The following ZFPM2 variants were observed in gnomAD, a reference collection of about 807,000 sequenced individuals.
ZFPM2 encodes the protein zinc finger protein, FOG family member 2.
Under a neutral mutation model 98.6 loss-of-function variants are expected in ZFPM2, and 20 were observed. The observed-to-expected ratio is 0.20, with a 90% CI of 0.14 to 0.29. ZFPM2 has a LOEUF of 0.29. Ranked by LOEUF, ZFPM2 falls within the 10% of genes least tolerant of loss-of-function variation. The probability of loss-of-function intolerance (pLI) is 1.00; values close to 1 mark genes in which losing one functional copy is unlikely to be tolerated. For missense variants in ZFPM2, 1,310 were observed against 1,388.6 expected (o/e 0.94, Z 0.90); for synonymous variants, 518 against 502.7 (o/e 1.03, Z -0.41).
chr8:105,758,223 C>CA (rs893434016), intron 5 of ZFPM2, among the ~76,000 whole-genome samples: 48 of 152,204 alleles, frequency 3.2e-4, no homozygotes, highest in African/African-American at 1.2e-3. Context: ...TCACGACTAT[C>CA]ATTCACTGGC....
chr8:105,715,669 C>A (rs1375805934), intron 5 of ZFPM2, among the ~76,000 whole-genome samples: 1 of 151,924 alleles, frequency 6.6e-6, no homozygotes, highest in Non-Finnish European at 1.5e-5. Context: ...GATTAACTGG[C>A]TTTTTCACCA....
At chr8:105,424,726 T>C (rs1310613685) in intron 2 of ZFPM2, among the ~76,000 whole-genome samples, 1 of 152,224 alleles carries the variant, frequency 6.6e-6, no homozygotes, top group Non-Finnish European at 1.5e-5. Context: ...CTTTCACTCC[T>C]GTTCACTAGG....
chr8:105,458,695 TTTAG>T (rs1452245863), intron 3 of ZFPM2, among the ~76,000 whole-genome samples: 2 of 152,154 alleles, frequency 1.3e-5, no homozygotes, highest in Non-Finnish European at 2.9e-5. Flanking sequence ...TGACATTACT[TTTAG>T]TTATATTTTC....
intron 5 of ZFPM2, among the ~76,000 whole-genome samples, chr8:105,752,752 C>T (rs1250628877): frequency 6.6e-6 from 1 of 152,064 alleles, no homozygotes; most frequent in Non-Finnish European, 1.5e-5. Flanking sequence ...AGTCATAACC[C>T]TCTATATAAT....
At chr8:105,673,674 C>T (rs528155761) in intron 5 of ZFPM2, among the ~76,000 whole-genome samples, 8 of 152,130 alleles carry the variant, frequency 5.3e-5, no homozygotes, top group East Asian at 1.9e-4. Context: ...AAGAAAAATA[C>T]GCTCATTACT....
intron 1 of ZFPM2, among the ~76,000 whole-genome samples, chr8:105,411,002 A>T (rs966389748): frequency 1.3e-5 from 2 of 151,980 alleles, no homozygotes; most frequent in East Asian, 3.9e-4. Context: ...CCAGGAAAGG[A>T]CCATGGATTT....
At position 105,788,654 on chromosome 8, in the gene ZFPM2, C is replaced by G. The variant is rs958823350; in HGVS notation, c.533-64C>G. The G allele has an allele frequency of 6.7e-6, 10 of 1,488,082 alleles. No individual in the cohort carries two copies. The African/African-American group carries it at 1.1e-4, about 16-fold the overall frequency. The allele number at this position is 1,488,082 out of a possible 1,614,324, so 92.2% of individuals were successfully genotyped here. A position where few individuals can be genotyped will look rare whatever the true frequency, so the allele number is the denominator to read the frequency against. ...ATGAGAAGGTGCTATGGACATCAAT[C>G]TAGTTTACAACAGACTCAAGCATCC... is the stretch of plus-strand genomic sequence containing the variant. On this transcript the variant is annotated intron_variant, in intron 5 of 7. Coordinates refer to ENST00000407775, the MANE Select transcript of ZFPM2 (RefSeq NM_012082.4).
At chr8:105,728,408 T>C (rs1337771219) in intron 5 of ZFPM2, among the ~76,000 whole-genome samples, 3 of 151,794 alleles carry the variant, frequency 2.0e-5, no homozygotes, top group Admixed American at 1.3e-4. Flanking sequence ...ATGATTTCTT[T>C]ATTTCCCAAC....
chr8:105,373,158 C>A (rs770989644), intron 1 of ZFPM2, among the ~76,000 whole-genome samples: 2 of 152,146 alleles, frequency 1.3e-5, no homozygotes, highest in African/African-American at 4.8e-5. Context: ...ACTATTCCAT[C>A]GTGATTGGCG....
At chr8:105,360,364 T>C (rs561423642) in intron 1 of ZFPM2, among the ~76,000 whole-genome samples, 11 of 152,314 alleles carry the variant, frequency 7.2e-5, no homozygotes, top group Non-Finnish European at 1.3e-4. Context: ...AAAATTAAAA[T>C]AAATACATGA....
At chr8:105,701,515 A>T (rs1236339288) in intron 5 of ZFPM2, among the ~76,000 whole-genome samples, 1 of 152,194 alleles carries the variant, frequency 6.6e-6, no homozygotes, top group Non-Finnish European at 1.5e-5. Context: ...CAAAAATGAA[A>T]ATGTGTCTTT....
At chr8:105,473,512 A>G (rs1200162969) in intron 3 of ZFPM2, among the ~76,000 whole-genome samples, 1 of 152,186 alleles carries the variant, frequency 6.6e-6, no homozygotes, top group African/African-American at 2.4e-5. Flanking sequence ...CTCAGTAAAT[A>G]TTTAGTGATT....
At chr8:105,556,280 G>C (rs1255396378) in intron 3 of ZFPM2, among the ~76,000 whole-genome samples, 3 of 152,104 alleles carry the variant, frequency 2.0e-5, no homozygotes, top group African/African-American at 7.2e-5. Flanking sequence ...GAGTGATTTG[G>C]ATAAAGGTGA....
At chr8:105,712,138 A>G (rs1811415869) in intron 5 of ZFPM2, among the ~76,000 whole-genome samples, 1 of 151,936 alleles carries the variant, frequency 6.6e-6, no homozygotes, top group Non-Finnish European at 1.5e-5. Flanking sequence ...ACCAGTGGAG[A>G]GTTATAAGAT....
At chr8:105,333,905 T>C (rs1812278393) in intron 1 of ZFPM2, among the ~76,000 whole-genome samples, 1 of 151,712 alleles carries the variant, frequency 6.6e-6, no homozygotes. Context: ...CAAGAAATTG[T>C]TGATGGTTTC....
At chr8:105,636,558 G>T (rs1207263917) in intron 5 of ZFPM2, among the ~76,000 whole-genome samples, 1 of 152,094 alleles carries the variant, frequency 6.6e-6, no homozygotes, top group East Asian at 1.9e-4. Context: ...AAAAAGTTTA[G>T]CTGTGATGGC....
At chr8:105,330,617 T>TATATATACATATATATATACAC (rs1563606955) in intron 1 of ZFPM2, among the ~76,000 whole-genome samples, 10 of 58,854 alleles carry the variant, frequency 1.7e-4, no homozygotes, top group African/African-American at 1.0e-3. Context: ...TATACACATA[T>TATATATACATATATATATACAC]ATATATATAT....
At chr8:105,701,191 T>G (rs2130957083) in intron 5 of ZFPM2, among the ~76,000 whole-genome samples, 1 of 152,354 alleles carries the variant, frequency 6.6e-6, no homozygotes, top group Non-Finnish European at 1.5e-5. Context: ...ATTTGAAATA[T>G]ATTTTTAGAC....
chr8:105,712,750 C>A (rs1232896773), intron 5 of ZFPM2, among the ~76,000 whole-genome samples: 1 of 152,062 alleles, frequency 6.6e-6, no homozygotes, highest in Non-Finnish European at 1.5e-5. Context: ...TGGTTCCCAT[C>A]TTCATGTCCA....
Sources: gnomAD v4.1 joint callset for allele counts (sites outside exome capture counted in the v4.1 genomes callset) on GRCh38, gnomAD v4.1.1 for gene constraint, MANE v1.5 for transcripts, NCBI Gene and HGNC (gene_info 2026-07-23, HGNC 2026-07-21) for gene names.